Variants in FKBP5 observed in about 807,000 individuals in gnomAD.
FKBP5 encodes the protein peptidyl-prolyl cis-trans isomerase FKBP5.
Under a neutral mutation model 50.5 loss-of-function variants are expected in FKBP5, and 23 were observed. That is an observed-to-expected ratio of 0.46 (90% CI 0.33 to 0.65). FKBP5 has a LOEUF of 0.65. Ranked by LOEUF, FKBP5 falls within the 30% of genes least tolerant of loss-of-function variation. The probability of loss-of-function intolerance (pLI) is 0.02; values close to 1 mark genes in which losing one functional copy is unlikely to be tolerated. For missense variants in FKBP5, 411 were observed against 553.1 expected (o/e 0.74, Z 2.58); for synonymous variants, 176 against 190.6 (o/e 0.92, Z 0.63).
chr6:35,646,280 C>T (rs1001629092), intron 1 of FKBP5, among the ~76,000 whole-genome samples: 1 of 152,164 alleles, frequency 6.6e-6, no homozygotes, highest in Non-Finnish European at 1.5e-5. Context: ...CATGTTTTGG[C>T]TCCAACACTT....
Position 35,652,992 on chromosome 6 carries a change from G to A in FKBP5, c.-19-10149C>T, listed in dbSNP as rs534931740. 1.1e-4 allele frequency among the ~76,000 whole-genome samples: 16 copies of A among 152,130 alleles called. No homozygotes were observed. The East Asian group carries it at 2.3e-3, about 22-fold the overall frequency. ...ATAGAAAAGAACCTACGTGATTATC[G>A]GGGCAGGTCCCCCGATAAGAAGGGA... is the stretch of plus-strand genomic sequence containing the variant. On this transcript the variant is annotated intron_variant, in intron 1 of 10. Coordinates refer to ENST00000357266, the MANE Select transcript of FKBP5 (RefSeq NM_004117.4).
At chr6:35,585,420 G>T (rs1312701713) in intron 8 of FKBP5, 2 of 984,464 alleles carry the variant, frequency 2.0e-6, no homozygotes, top group South Asian at 4.7e-5. Context: ...ACTTGTTCTT[G>T]AGAGTTTAGA....
At chr6:35,635,692 G>C (rs1319081128) in intron 3 of FKBP5, among the ~76,000 whole-genome samples, 1 of 151,760 alleles carries the variant, frequency 6.6e-6, no homozygotes, top group Non-Finnish European at 1.5e-5. Flanking sequence ...TGTATATTTT[G>C]TATTTTCCAA....
intron 2 of FKBP5, among the ~76,000 whole-genome samples, chr6:35,642,236 T>C (rs902168333): frequency 1.3e-5 from 2 of 152,092 alleles, no homozygotes; most frequent in Non-Finnish European, 2.9e-5. Flanking sequence ...TACTAAGATA[T>C]ATGATATTAG....
chr6:35,689,480 C>T (rs2151015174), upstream of FKBP5, among the ~76,000 whole-genome samples: 1 of 152,154 alleles, frequency 6.6e-6, no homozygotes, highest in African/African-American at 2.4e-5. Context: ...ACTGTAAAGA[C>T]CATACTTTCT....
chr6:35,621,635 AG>A (rs1313105728), intron 3 of FKBP5, among the ~76,000 whole-genome samples: 2 of 148,786 alleles, frequency 1.3e-5, no homozygotes, highest in Non-Finnish European at 3.0e-5. Context: ...AAAAAAAAAA[AG>A]GCTAAATGAC....
chr6:35,576,008 C>T lies in FKBP5; in HGVS notation c.1267-66G>A, dbSNP rs1762200520. 1.1e-5 allele frequency: 12 copies of T among 1,127,352 alleles called. No homozygotes were observed. In the South Asian group the frequency reaches 1.2e-4, roughly 12 times the overall value. 69.8% of individuals were successfully genotyped at this position (1,127,352 alleles called of 1,614,324 possible). On this transcript the variant is annotated intron_variant, in intron 10 of 10. Transcript: ENST00000357266. ...GAAGTGAAATAATTCCTGGCTCCTC[C>T]AGACTGTGTATCAGGTCCCAAACAC...
chr6:35,666,431 G>GATT (rs1765225065), intron 1 of FKBP5, among the ~76,000 whole-genome samples: 1 of 49,718 alleles, frequency 2.0e-5, no homozygotes, highest in Admixed American at 1.9e-4. Context: ...GAGGGGAGTG[G>GATT]ATTTCCTTCA....
chr6:35,702,212 G>T (rs923721288), intron 2 of FKBP5, among the ~76,000 whole-genome samples: 1 of 151,832 alleles, frequency 6.6e-6, no homozygotes, highest in Non-Finnish European at 1.5e-5. Flanking sequence ...CTCTATCTTG[G>T]TCCAATAACT....
At chr6:35,714,554 C>T (rs1197028949) in intron 2 of FKBP5, among the ~76,000 whole-genome samples, 3 of 148,122 alleles carry the variant, frequency 2.0e-5, no homozygotes, top group Non-Finnish European at 4.5e-5. Flanking sequence ...TGGTGGCTCA[C>T]GCCTGTAATC....
At chr6:35,601,975 G>A (rs868654410) in intron 5 of FKBP5, among the ~76,000 whole-genome samples, 3 of 152,150 alleles carry the variant, frequency 2.0e-5, no homozygotes, top group Non-Finnish European at 4.4e-5. Context: ...GCTTAGCTGC[G>A]CAATCGGAGT....
intron 2 of FKBP5, among the ~76,000 whole-genome samples, chr6:35,639,829 C>A (rs1435474991): frequency 6.6e-6 from 1 of 152,192 alleles, no homozygotes; most frequent in Non-Finnish European, 1.5e-5. Flanking sequence ...ACTGCTGGCA[C>A]AAGAGATATT....
chr6:35,704,011 TCCTC>T (rs942258425), intron 2 of FKBP5, among the ~76,000 whole-genome samples: 15 of 152,142 alleles, frequency 9.9e-5, no homozygotes, highest in Admixed American at 7.9e-4. Flanking sequence ...TCTGTCTCTC[TCCTC>T]CCTCCCAACG....
chr6:35,614,980 G>A (rs1210645678), intron 5 of FKBP5, among the ~76,000 whole-genome samples: 2 of 151,910 alleles, frequency 1.3e-5, no homozygotes, highest in Non-Finnish European at 2.9e-5. Flanking sequence ...AAAAATAGCT[G>A]GGCGTGGTGG....
chr6:35,587,477 A>G (rs1762638253), intron 7 of FKBP5, among the ~76,000 whole-genome samples: 1 of 152,368 alleles, frequency 6.6e-6, no homozygotes, highest in Non-Finnish European at 1.5e-5. Flanking sequence ...AAACCTCTCC[A>G]CTAGGCTGTT....
At chr6:35,680,810 C>T (rs1376597195) in intron 1 of FKBP5, among the ~76,000 whole-genome samples, 1 of 152,220 alleles carries the variant, frequency 6.6e-6, no homozygotes, top group Non-Finnish European at 1.5e-5. Flanking sequence ...CAACAGCTAG[C>T]ACATTGTAGG....
intron 7 of FKBP5, among the ~76,000 whole-genome samples, chr6:35,588,307 G>A (rs1012013332): frequency 3.3e-5 from 5 of 151,982 alleles, no homozygotes; most frequent in South Asian, 2.1e-4. Flanking sequence ...GAGCTACCGC[G>A]CCCAGTGACT....
At chr6:35,641,791 G>A (rs1401667546) in intron 2 of FKBP5, among the ~76,000 whole-genome samples, 1 of 151,974 alleles carries the variant, frequency 6.6e-6, no homozygotes, top group Non-Finnish European at 1.5e-5. Flanking sequence ...GATCACCTGA[G>A]GTCAGGAGTT....
At chr6:35,715,144 C>T (rs1054736811) in intron 2 of FKBP5, among the ~76,000 whole-genome samples, 1 of 152,156 alleles carries the variant, frequency 6.6e-6, no homozygotes, top group Non-Finnish European at 1.5e-5. Context: ...AGGTGATCCA[C>T]CCGCCTTGGC....
Sources: allele counts gnomAD v4.1 joint callset (sites outside exome capture counted in the v4.1 genomes callset), GRCh38; gene constraint gnomAD v4.1.1; transcripts MANE v1.5; gene names NCBI Gene and HGNC (gene_info 2026-07-23, HGNC 2026-07-21).